The following ELK3 variants were observed in gnomAD, a reference collection of about 807,000 sequenced individuals.
ELK3 encodes the protein ETS transcription factor ELK3.
Under a neutral mutation model 28.9 loss-of-function variants are expected in ELK3, and 10 were observed. The ratio of observed to expected loss-of-function variants is 0.35; its 90% CI spans 0.21 to 0.59. The LOEUF is 0.59. ELK3 is among the 20% of genes least tolerant of loss of function. ELK3 has a pLI of 0.82. For synonymous variants in ELK3, 272 were observed against 243.5 expected, an observed-to-expected ratio of 1.12 and a Z score of -1.09; for missense variants, 463 against 517.3, an observed-to-expected ratio of 0.90 and a Z score of 1.02.
rs188956080 is a variant in ELK3, at chr12:96,252,470, G to A, written c.1002+4736G>A. Among the ~76,000 whole-genome samples the A allele has an allele frequency of 3.3e-5, 5 of 152,162 alleles. No homozygotes were observed. The East Asian group carries it at 9.6e-4, about 29-fold the overall frequency. On this transcript the variant is annotated intron_variant, in intron 3 of 4. Coordinates refer to ENST00000228741, the MANE Select transcript of ELK3 (RefSeq NM_005230.4). ...AAGTCAATTGAAAACCTTCTGGAAA[G>A]GAGTCACCATCCTAGATGCTATTAA...
At position 96,269,565 on chromosome 12, in the gene ELK3, T is replaced by A. The variant is rs963429020; in HGVS notation, c.*2385T>A. The stretch of plus-strand genomic sequence containing the variant: ...AACTCACTCATATAGCTCTGCCTCA[T>A]TCTGTGTGTGTGTGCATGTGTGTGT... On this transcript the variant is annotated 3_prime_UTR_variant, in exon 5 of 5. Coordinates refer to ENST00000228741, the MANE Select transcript of ELK3 (RefSeq NM_005230.4). The A allele has an allele frequency of 6.6e-6, 1 of 152,216 alleles. No individual in the cohort carries two copies. The allele number at this position is 152,216 out of a possible 1,614,324, so 9.4% of individuals were successfully genotyped here. A position where few individuals can be genotyped will look rare whatever the true frequency, so the allele number is the denominator to read the frequency against.
At chr12:96,239,759 C>T (rs1474776798) in intron 2 of ELK3, among the ~76,000 whole-genome samples, 2 of 152,226 alleles carry the variant, frequency 1.3e-5, no homozygotes, top group Non-Finnish European at 2.9e-5. Context: ...GAACCCTGAG[C>T]AGAGGCCTGA....
intron 1 of ELK3, among the ~76,000 whole-genome samples, chr12:96,221,587 C>A (rs371779141): frequency 2.6e-5 from 4 of 152,310 alleles, no homozygotes; most frequent in South Asian, 4.1e-4. Context: ...CAAGAATTTG[C>A]GACAACTGTT....
chr12:96,237,411 G>A (rs1431248751), intron 2 of ELK3, among the ~76,000 whole-genome samples: 2 of 139,644 alleles, frequency 1.4e-5, no homozygotes, highest in Non-Finnish European at 3.3e-5. Context: ...TGTGAGGTGA[G>A]CCTGCCCCCC....
At chr12:96,211,238 C>T (rs1458582852) in intron 1 of ELK3, among the ~76,000 whole-genome samples, 8 of 152,246 alleles carry the variant, frequency 5.3e-5, no homozygotes, top group Middle Eastern at 3.4e-3. Context: ...TAGGTATGGG[C>T]GCTGTTCTTC....
chr12:96,211,045 G>A (rs1365648559), intron 1 of ELK3, among the ~76,000 whole-genome samples: 2 of 152,184 alleles, frequency 1.3e-5, no homozygotes, highest in African/African-American at 4.8e-5. Flanking sequence ...TACCCATGTG[G>A]CCATGAGTGT....
At chr12:96,264,190 G>C (rs963557243) in intron 4 of ELK3, among the ~76,000 whole-genome samples, 2 of 152,102 alleles carry the variant, frequency 1.3e-5, no homozygotes, top group Non-Finnish European at 2.9e-5. Context: ...TCACTATATT[G>C]CTCAGGCTGG....
At chr12:96,217,699 G>T (rs1951628544) in intron 1 of ELK3, among the ~76,000 whole-genome samples, 1 of 152,096 alleles carries the variant, frequency 6.6e-6, no homozygotes, top group African/African-American at 2.4e-5. Flanking sequence ...ACTTTGGGAG[G>T]CCGAGGCGGG....
At position 96,224,706 on chromosome 12, in the gene ELK3, T is replaced by C. The variant is rs149924644; in HGVS notation, c.207+933T>C. Among the ~76,000 whole-genome samples, 426 of 152,342 alleles carry C rather than the reference T, an allele frequency of 2.8e-3. 1 individual carries two copies. The highest frequency in any genetic ancestry group is 0.017 in the Middle Eastern group (5 of 294). On this transcript the variant is annotated intron_variant, in intron 2 of 4. Transcript: ENST00000228741. ...TGTTTAGGAGAACCATTTCAGGCCT[T>C]AATTGTTAGCCATTTCAGTTTGAAT...
intron 4 of ELK3, among the ~76,000 whole-genome samples, chr12:96,264,801 A>T (rs1006586939): frequency 6.6e-6 from 1 of 152,272 alleles, no homozygotes; most frequent in Non-Finnish European, 1.5e-5. Flanking sequence ...AAGATAAAAC[A>T]TAACAATAGT....
intron 3 of ELK3, among the ~76,000 whole-genome samples, chr12:96,256,087 AT>A (rs1472252274): frequency 3.9e-5 from 6 of 152,106 alleles, no homozygotes; most frequent in African/African-American, 1.4e-4. Context: ...AGGGTGGTTG[AT>A]TTGGCGATGG....
At chr12:96,263,657 T>C (rs1952009457) in intron 4 of ELK3, among the ~76,000 whole-genome samples, 2 of 152,182 alleles carry the variant, frequency 1.3e-5, no homozygotes, top group Admixed American at 6.5e-5. Flanking sequence ...AGCTGGCCAC[T>C]GGACAGGCTC....
chr12:96,259,613 A>T, intron 3 of ELK3, 118 bp from the exon 4 acceptor site: 1 of 1,156,530 alleles, frequency 8.6e-7, no homozygotes. Context: ...TTTTCCTGAG[A>T]TGGTAAGGTC....
chr12:96,204,162 A>C (rs1377488455), intron 1 of ELK3, among the ~76,000 whole-genome samples: 1 of 152,096 alleles, frequency 6.6e-6, no homozygotes, highest in Non-Finnish European at 1.5e-5. Context: ...AAGAATCTCA[A>C]TGTAAAGTTT....
intron 2 of ELK3, among the ~76,000 whole-genome samples, chr12:96,229,818 C>T (rs1329581885): frequency 6.6e-6 from 1 of 152,104 alleles, no homozygotes; most frequent in Non-Finnish European, 1.5e-5. Context: ...GTGTGAGCCA[C>T]CGTGCCTGGC....
In ELK3 at chr12:96,232,896, A is replaced by C. The variant is rs188668029; in HGVS notation, c.207+9123A>C. Among the ~76,000 whole-genome samples, 7 of 152,314 alleles carry C rather than the reference A, an allele frequency of 4.6e-5. No individual in the cohort carries two copies. In the East Asian group the frequency reaches 1.4e-3, roughly 29 times the overall value. ...GGCAGGAGGATCACTTGAGCCCAGG[A>C]AGTAGAGGCTGCAGTGAGCTCTTAC... On this transcript the variant is annotated intron_variant, in intron 2 of 4. Transcript: ENST00000228741.
chr12:96,259,500 C>T (rs951361854), intron 3 of ELK3, among the ~76,000 whole-genome samples: 1 of 152,150 alleles, frequency 6.6e-6, no homozygotes, highest in Non-Finnish European at 1.5e-5. Flanking sequence ...GAACCAAGAT[C>T]GCGCCATTGC....
At chr12:96,241,119 A>C (rs1951817810) in intron 2 of ELK3, among the ~76,000 whole-genome samples, 1 of 152,226 alleles carries the variant, frequency 6.6e-6, no homozygotes, top group Admixed American at 6.5e-5. Context: ...GGATACACCC[A>C]CAGGGAGCTT....
chr12:96,237,971 G>C (rs767027100), intron 2 of ELK3, among the ~76,000 whole-genome samples: 21 of 152,114 alleles, frequency 1.4e-4, no homozygotes, highest in Non-Finnish European at 2.9e-4. Flanking sequence ...TGGCCAGGAA[G>C]CCGCGGCCTG....
Sources: allele counts gnomAD v4.1 joint callset (sites outside exome capture counted in the v4.1 genomes callset), GRCh38; gene constraint gnomAD v4.1.1; transcripts MANE v1.5; gene names NCBI Gene and HGNC (gene_info 2026-07-23, HGNC 2026-07-21).